RUFY4: variants seen among roughly 807,000 people sequenced by gnomAD.
RUFY4 encodes the protein RUN and FYVE domain-containing protein 4.
In RUFY4, 73 loss-of-function variants were observed where a neutral mutation model predicts 69.0. That is an observed-to-expected ratio of 1.06 (90% CI 0.88 to 1.29). RUFY4 has a LOEUF of 1.29. Among genes scored for constraint, RUFY4 ranks in the 50% most tolerant of loss-of-function variants. The pLI is 0.00. For missense variants in RUFY4, 770 were observed against 705.6 expected, an observed-to-expected ratio of 1.09 and a Z score of -1.03; for synonymous variants, 287 against 271.8, an observed-to-expected ratio of 1.06 and a Z score of -0.55.
In RUFY4 at chr2:218,089,302, C is replaced by A; in HGVS notation, c.1553C>A (p.Pro518His). Residue 518 changes from proline (P) to histidine (H), a missense_variant, in exon 10 of 11, where the codon CCC (proline) becomes CAC (histidine). Transcript: ENST00000344321. ...CTCCAGCATCTCTCTTCCATGGCTC[C>A]CGAGTGCTGTGTGGCCTGTAGCAAG... The A allele has an allele frequency of 3.1e-6, 5 of 1,613,936 alleles. No homozygotes were observed. The South Asian group carries it at 5.5e-5, about 18-fold the overall frequency.
chr2:218,058,981 G>T (rs968793850), intron 3 of RUFY4, among the ~76,000 whole-genome samples: 6 of 152,132 alleles, frequency 3.9e-5, no homozygotes, highest in Non-Finnish European at 8.8e-5. Flanking sequence ...GGGATGAGGG[G>T]ATGCAAGGCT....
At chr2:218,052,079 A>G (rs540423446) in intron 2 of RUFY4, among the ~76,000 whole-genome samples, 1 of 152,318 alleles carries the variant, frequency 6.6e-6, no homozygotes, top group South Asian at 2.1e-4. Flanking sequence ...ATCTCACTAC[A>G]TGTGACTTAC....
chr2:218,073,782 A>T lies in RUFY4; in HGVS notation c.531-34A>T, dbSNP rs746949968. ...GAGGACCAAGCCCAACACTGAAGAG[A>T]GGCCCAGGGTCCCCCTGCCTCTTTC... On this transcript the variant is annotated intron_variant, in intron 5 of 10. Coordinates refer to ENST00000344321, the Ensembl canonical transcript of RUFY4. The T allele has an allele frequency of 2.5e-6, 4 of 1,612,328 alleles. No homozygotes were observed. In the South Asian group the frequency reaches 4.4e-5, roughly 18 times the overall value.
intron 2 of RUFY4, among the ~76,000 whole-genome samples, chr2:218,035,562 C>A (rs950448151): frequency 3.3e-5 from 5 of 152,190 alleles, no homozygotes; most frequent in African/African-American, 1.2e-4. Flanking sequence ...CACTGCTGTA[C>A]CACTGCCACG....
In RUFY4 at chr2:218,087,128, T is replaced by C. The variant is rs368967231; in HGVS notation, c.1503-2124T>C. On this transcript the variant is annotated intron_variant, in intron 9 of 10. Coordinates refer to ENST00000344321, the Ensembl canonical transcript of RUFY4. ...AAAAGCAAAGCACAGAAAGCAATTA[T>C]GTAATTATAGAAACAGAACATAAAT... 1.9e-4 allele frequency among the ~76,000 whole-genome samples: 29 copies of C among 152,190 alleles called. No individual in the cohort carries two copies. In the South Asian group the frequency reaches 4.4e-3, roughly 23 times the overall value.
At chr2:218,073,853 A>C in exon 6 of RUFY4, 2 of 1,613,986 alleles carry the variant, frequency 1.2e-6, no homozygotes, top group Non-Finnish European at 8.5e-7. Flanking sequence ...CCAGGGAAGG[A>C]GACCCAGAAA....
At chr2:218,079,668 C>T (rs1689716061) in intron 8 of RUFY4, among the ~76,000 whole-genome samples, 1 of 152,110 alleles carries the variant, frequency 6.6e-6, no homozygotes, top group Non-Finnish European at 1.5e-5. Context: ...ATGTGCTACC[C>T]TGATGCCTGG....
At chr2:218,054,583 C>T (rs969089512) in intron 2 of RUFY4, among the ~76,000 whole-genome samples, 16 of 148,550 alleles carry the variant, frequency 1.1e-4, no homozygotes, top group Non-Finnish European at 2.2e-4. Context: ...GATCAGTGGA[C>T]TAAATAAATA....
chr2:218,057,639 G>T lies in RUFY4; in HGVS notation c.-1157-956G>T, dbSNP rs796940612. On this transcript the variant is annotated intron_variant and NMD_transcript_variant, in intron 2 of 13. Coordinates refer to the RUFY4 transcript ENST00000457754. ...CAGAGCTGTAAAACCATCGCCACAG[G>T]TTACTTCTATCACCCCAAAAAGAAC... Among the ~76,000 whole-genome samples, 14 of 152,240 alleles carry T rather than the reference G, an allele frequency of 9.2e-5. 1 individual carries two copies. Among genetic ancestry groups the T allele is most frequent in the South Asian group, 2.1e-4 (1 of 4,822 alleles).
At chr2:218,054,252 T>C (rs1261674951) in intron 2 of RUFY4, among the ~76,000 whole-genome samples, 1 of 152,174 alleles carries the variant, frequency 6.6e-6, no homozygotes, top group Non-Finnish European at 1.5e-5. Context: ...GGCTTTTAAT[T>C]ACTTTAAGAT....
chr2:218,066,826 G>A (rs12471723), upstream of RUFY4, among the ~76,000 whole-genome samples: 42,416 of 152,124 alleles, frequency 0.28, 6,446 homozygotes, highest in East Asian at 0.39. Flanking sequence ...TTGGATTGTC[G>A]CGTCTTCATA....
rs1188590859 is a variant in RUFY4 at position 218,075,489 on chromosome 2, C to T, written c.997C>T (p.His333Tyr). ...GGGTCAGAGAACAACAGAGGGGACTCACAAAAAGGAAGCAGAGTGGAGTCA... is the reference window on the plus strand; with the variant it reads ...GGGTCAGAGAACAACAGAGGGGACTTACAAAAAGGAAGCAGAGTGGAGTCA... Residue 333 changes from histidine (H) to tyrosine (Y), a missense_variant, in exon 7 of 11, where the codon CAC becomes TAC. Coordinates refer to ENST00000344321, the Ensembl canonical transcript of RUFY4. The T allele has an allele frequency of 1.9e-6, 3 of 1,587,802 alleles. No homozygotes were observed. The highest frequency in any genetic ancestry group is 2.6e-6 in the Non-Finnish European group (3 of 1,167,304).
At chr2:218,076,649 T>C (rs552528851) in intron 8 of RUFY4, 116 bp downstream of exon 10, 12 of 1,460,030 alleles carry the variant, frequency 8.2e-6, no homozygotes, top group South Asian at 4.1e-5. Context: ...GGCCCTGGAC[T>C]GGGCACACCT....
chr2:218,055,084 A>G (rs768478815), intron 2 of RUFY4, among the ~76,000 whole-genome samples: 1 of 152,186 alleles, frequency 6.6e-6, no homozygotes, highest in Non-Finnish European at 1.5e-5. Context: ...TAGTCTCAAA[A>G]TTAAAAAAAT....
chr2:218,076,465 C>T, exon 8 of RUFY4: 1 of 1,550,252 alleles, frequency 6.5e-7, no homozygotes, highest in Non-Finnish European at 8.7e-7. Context: ...AGGAGCAGGC[C>T]CAGCGCCAGG....
chr2:218,042,315 G>T (rs1688713589), intron 2 of RUFY4, among the ~76,000 whole-genome samples: 1 of 152,062 alleles, frequency 6.6e-6, no homozygotes, highest in Admixed American at 6.5e-5. Flanking sequence ...TTTAATTTTG[G>T]GGCAACTATT....
chr2:218,061,725 G>A (rs570607063), intron 3 of RUFY4, among the ~76,000 whole-genome samples: 1 of 152,274 alleles, frequency 6.6e-6, no homozygotes, highest in South Asian at 2.1e-4. Context: ...TGTTCCCTGT[G>A]GATAATAACT....
chr2:218,089,399 G>A (rs1295461336), intron 10 of RUFY4, 37 bp downstream of exon 12: 2 of 1,578,610 alleles, frequency 1.3e-6, no homozygotes, highest in Non-Finnish European at 1.7e-6. Flanking sequence ...CTCTGGGACA[G>A]CCCAGTTTCC....
At chr2:218,087,254 G>A (rs768116059) in intron 9 of RUFY4, among the ~76,000 whole-genome samples, 1 of 152,100 alleles carries the variant, frequency 6.6e-6, no homozygotes, top group Non-Finnish European at 1.5e-5. Flanking sequence ...ATAGTCACAT[G>A]TAGAGATGGA....
Sources: gnomAD v4.1 joint callset for allele counts (sites outside exome capture counted in the v4.1 genomes callset) on GRCh38, gnomAD v4.1.1 for gene constraint, MANE v1.5 for transcripts, NCBI Gene and HGNC (gene_info 2026-07-23, HGNC 2026-07-21) for gene names.